The following PLCL1 variants were observed in gnomAD, a reference collection of about 807,000 sequenced individuals.
The protein encoded by PLCL1 is phospholipase C like 1 (inactive), also known as inactive phospholipase C-like protein 1.
Under a neutral mutation model 84.4 loss-of-function variants are expected in PLCL1, and 41 were observed. The ratio of observed to expected loss-of-function variants is 0.49; its 90% CI spans 0.38 to 0.63. PLCL1 has a LOEUF of 0.63. Among genes scored for constraint, PLCL1 ranks in the 30% least tolerant of loss-of-function variants. PLCL1 has a pLI of 0.00. For synonymous variants in PLCL1, 490 were observed against 488.3 expected (o/e 1.00, Z -0.05); for missense variants, 1,206 against 1,367.8 (o/e 0.88, Z 1.87).
chr2:198,116,174 C>A (rs548456888), intron 5 of PLCL1, among the ~76,000 whole-genome samples: 1 of 151,434 alleles, frequency 6.6e-6, no homozygotes, highest in East Asian at 2.0e-4. Context: ...GATTATGGAG[C>A]AGCAAAAAAG....
intron 5 of PLCL1, among the ~76,000 whole-genome samples, chr2:198,108,933 T>C (rs1693554033): frequency 2.6e-5 from 4 of 151,914 alleles, no homozygotes; most frequent in African/African-American, 9.7e-5. Flanking sequence ...TACATAGCCA[T>C]TGTGTTTATT....
intron 1 of PLCL1, among the ~76,000 whole-genome samples, chr2:197,992,973 G>A (rs914806741): frequency 1.3e-5 from 2 of 152,122 alleles, no homozygotes; most frequent in Admixed American, 6.5e-5. Context: ...TGTGAACATA[G>A]GTATGCAAAT....
intron 1 of PLCL1, among the ~76,000 whole-genome samples, chr2:197,910,231 T>G (rs1256333004): frequency 6.6e-6 from 1 of 152,210 alleles, no homozygotes; most frequent in African/African-American, 2.4e-5. Context: ...CCCTGGTGGA[T>G]CTCTTCTTTC....
At position 198,085,099 on chromosome 2, in the gene PLCL1, C is replaced by A; in HGVS notation, c.1582C>A (p.Pro528Thr). 6.2e-7 allele frequency: 1 copy of A among 1,613,992 alleles called. No individual in the cohort carries two copies. The highest frequency in any genetic ancestry group is 1.1e-5 in the South Asian group (1 of 91,068). The change falls in exon 2 of 6, where the codon CCA becomes ACA. Residue 528 changes from proline to threonine, a missense_variant. Physicochemically the swap from Pro to Thr is conservative, Grantham distance 38 (BLOSUM62 -1). Coordinates refer to ENST00000428675, the MANE Select transcript of PLCL1 (RefSeq NM_006226.4). This position sits in a 1 kb window ranked among gnomAD's most constrained non-coding sequence, Gnocchi z 5.3. ...EAPLPSESYL[P>T]SPEKLKRMII... ...ACCTTTGCCCTCAGAATCCTACCTC[C>A]CATCACCAGAAAAATTAAAAAGAAT... is the stretch of plus-strand genomic sequence containing the variant.
chr2:197,847,107 G>C (rs1322705049), intron 1 of PLCL1, among the ~76,000 whole-genome samples: 2 of 152,064 alleles, frequency 1.3e-5, no homozygotes, highest in Non-Finnish European at 2.9e-5. Context: ...CTTAAATATG[G>C]TCAGAAAGCA....
chr2:197,813,588 GT>G (rs1313849830), intron 1 of PLCL1, among the ~76,000 whole-genome samples: 1 of 151,940 alleles, frequency 6.6e-6, no homozygotes, highest in Non-Finnish European at 1.5e-5. Flanking sequence ...TCTTGAATTG[GT>G]TTTCCTACTG....
At chr2:197,961,302 T>C (rs962266170) in intron 1 of PLCL1, among the ~76,000 whole-genome samples, 2 of 151,606 alleles carry the variant, frequency 1.3e-5, no homozygotes, top group Non-Finnish European at 2.9e-5. Flanking sequence ...TAACATTAGA[T>C]TTTTTGCTTG....
chr2:198,083,618 A>G (rs982064369), intron 1 of PLCL1, 140 bp from the exon 2 acceptor site: 8 of 576,672 alleles, frequency 1.4e-5, no homozygotes, highest in Non-Finnish European at 1.7e-5. Context: ...TTTCTGAAAC[A>G]GTGAAAATGT....
intron 1 of PLCL1, among the ~76,000 whole-genome samples, chr2:197,814,810 A>G (rs940968987): frequency 6.6e-6 from 1 of 152,182 alleles, no homozygotes; most frequent in South Asian, 2.1e-4. Context: ...AGCGATCTGG[A>G]TGGAAGATCA....
chr2:198,003,077 G>C (rs189455745), intron 1 of PLCL1, among the ~76,000 whole-genome samples: 1 of 151,814 alleles, frequency 6.6e-6, no homozygotes, highest in East Asian at 1.9e-4. Context: ...TTTAGAGGTT[G>C]TTAGATACTC....
intron 1 of PLCL1, among the ~76,000 whole-genome samples, chr2:197,852,073 G>A (rs1687250386): frequency 6.6e-6 from 1 of 152,240 alleles, no homozygotes; most frequent in African/African-American, 2.4e-5. Context: ...TGCAGTGAAT[G>A]AATTCAGCGA....
At chr2:198,055,294 C>CCTCTCTCTCTCTCTCT (rs772260935) in intron 1 of PLCL1, among the ~76,000 whole-genome samples, 4 of 120,258 alleles carry the variant, frequency 3.3e-5, no homozygotes, top group African/African-American at 1.4e-4. Flanking sequence ...CTGGTCAAAG[C>CCTCTCTCTCTCTCTCT]CTCTCTCTCT....
chr2:197,924,356 A>G (rs1227368329), intron 1 of PLCL1, among the ~76,000 whole-genome samples: 1 of 152,192 alleles, frequency 6.6e-6, no homozygotes, highest in African/African-American at 2.4e-5. Flanking sequence ...TATCACAAAT[A>G]CACAAACATC....
chr2:198,101,049 C>T (rs539739951), intron 3 of PLCL1, among the ~76,000 whole-genome samples: 1 of 152,156 alleles, frequency 6.6e-6, no homozygotes, highest in African/African-American at 2.4e-5. Flanking sequence ...ATTTGGTGCC[C>T]ACTGTGTGCC....
rs112247957 is a variant in PLCL1, at chr2:197,949,948, A to T, written c.241-133810A>T. Among the ~76,000 whole-genome samples the T allele has an allele frequency of 7.9e-5, 12 of 152,260 alleles. 1 individual carries two copies. Among genetic ancestry groups the T allele is most frequent in the African/African-American group, 2.9e-4 (12 of 41,564 alleles). On this transcript the variant is annotated intron_variant, in intron 1 of 5. Coordinates refer to ENST00000428675, the MANE Select transcript of PLCL1 (RefSeq NM_006226.4). Reference sequence around the variant, plus strand: ...GTGGAGAATAGAGAGGGCTATTGGAAGTGGGAGTTGAGATGACTTTGAGAA... The same window carrying T: ...GTGGAGAATAGAGAGGGCTATTGGATGTGGGAGTTGAGATGACTTTGAGAA...
At chr2:197,938,646 A>G (rs998954972) in intron 1 of PLCL1, among the ~76,000 whole-genome samples, 1 of 152,174 alleles carries the variant, frequency 6.6e-6, no homozygotes, top group African/African-American at 2.4e-5. Context: ...CCAGGGGAAC[A>G]CATACCTAGT....
At chr2:197,815,227 C>G (rs1690663911) in intron 1 of PLCL1, among the ~76,000 whole-genome samples, 1 of 152,098 alleles carries the variant, frequency 6.6e-6, no homozygotes, top group African/African-American at 2.4e-5. Flanking sequence ...AGCCAATGCT[C>G]AATTACCATT....
At chr2:197,830,598 T>C (rs964034119) in intron 1 of PLCL1, among the ~76,000 whole-genome samples, 1 of 152,072 alleles carries the variant, frequency 6.6e-6, no homozygotes, top group Non-Finnish European at 1.5e-5. Flanking sequence ...AAAACACTTT[T>C]CAGGATATTA....
intron 5 of PLCL1, among the ~76,000 whole-genome samples, chr2:198,134,792 A>G (rs1254073884): frequency 6.6e-6 from 1 of 152,190 alleles, no homozygotes; most frequent in East Asian, 1.9e-4. Context: ...GACAGATGTC[A>G]TGAAAAACAA....
Sources: gnomAD v4.1 joint callset for allele counts (sites outside exome capture counted in the v4.1 genomes callset) on GRCh38, gnomAD v4.1.1 for gene constraint, Gnocchi (gnomAD v3.1) non-coding constraint, MANE v1.5 for transcripts, NCBI Gene and HGNC (gene_info 2026-07-23, HGNC 2026-07-21) for gene names.